The following MTUS2 variants were observed in gnomAD, a reference collection of about 807,000 sequenced individuals.
MTUS2 encodes microtubule-associated tumor suppressor candidate 2.
Under a neutral mutation model 114.1 loss-of-function variants are expected in MTUS2, and 40 were observed. The ratio of observed to expected loss-of-function variants is 0.35; its 90% confidence interval spans 0.27 to 0.46. The LOEUF is 0.46. MTUS2 is among the 20% of genes least tolerant of loss of function. The pLI, the probability that MTUS2 is intolerant of heterozygous loss-of-function variation, is 1.00. For missense variants in MTUS2, 1,679 were observed against 1,705.4 expected (o/e 0.98, Z 0.27); for synonymous variants, 688 against 672.0 (o/e 1.02, Z -0.37).
intron 8 of MTUS2, among the ~76,000 whole-genome samples, chr13:29,393,314 T>G (rs1360308943): frequency 7.4e-6 from 1 of 135,680 alleles, no homozygotes; most frequent in African/African-American, 2.6e-5. Flanking sequence ...CTGACAGTAA[T>G]TTCTGGAGTG....
At chr13:29,454,437 A>G (rs953869083) in intron 9 of MTUS2, among the ~76,000 whole-genome samples, 1 of 152,214 alleles carries the variant, frequency 6.6e-6, no homozygotes, top group Non-Finnish European at 1.5e-5. Context: ...ACTTTCAGGG[A>G]AATACTTTTA....
At chr13:28,841,835 T>C (rs1338838700) in intron 2 of MTUS2, among the ~76,000 whole-genome samples, 1 of 152,176 alleles carries the variant, frequency 6.6e-6, no homozygotes, top group South Asian at 2.1e-4. Context: ...TACAGATGCG[T>C]GCCACCACGC....
chr13:29,248,384 T>C (rs536078281), intron 5 of MTUS2, among the ~76,000 whole-genome samples: 48 of 152,252 alleles, frequency 3.2e-4, no homozygotes, highest in Non-Finnish European at 5.6e-4. Context: ...CAAAAACTTA[T>C]TGAAATATAA....
At chr13:29,134,002 G>GT (rs1229177612) in intron 5 of MTUS2, among the ~76,000 whole-genome samples, 66 of 152,198 alleles carry the variant, frequency 4.3e-4, no homozygotes, top group African/African-American at 1.4e-3. Context: ...GATCTTTCAT[G>GT]TTTTTTATTG....
intron 4 of MTUS2, among the ~76,000 whole-genome samples, chr13:29,097,798 A>AC (rs1421743198): frequency 6.6e-6 from 1 of 151,854 alleles, no homozygotes; most frequent in Non-Finnish European, 1.5e-5. Context: ...TAACCTAATT[A>AC]CCTCCTAAAG....
intron 6 of MTUS2, chr13:29,307,579 G>A: frequency 8.1e-7 from 1 of 1,235,106 alleles, no homozygotes; most frequent in South Asian, 1.2e-5. Context: ...GGTGTCAGAG[G>A]GCCCCCTCAA....
rs762807602 is a variant in MTUS2, at chr13:29,026,131, A to G, written c.1433A>G (p.Glu478Gly). The change falls in exon 3 of 16, where the codon GAG (glutamate) becomes GGG (glycine). Residue 478 changes from glutamate (E) to glycine (G), a missense_variant. Glu to Gly is a moderately conservative substitution (Grantham distance 98). Coordinates refer to ENST00000612955, the MANE Select transcript of MTUS2 (RefSeq NM_001033602.4). ...TTGGTGTTCAATCCTTCTGTTGGAG[A>G]GAACAAGACGGAGGTGCCTGAGCCC... Reference protein sequence around the residue: ...MVLVFNPSVGENKTEVPEPLD... With the variant: ...MVLVFNPSVGGNKTEVPEPLD... 2 of 1,614,020 alleles carry G rather than the reference A, an allele frequency of 1.2e-6. No individual in the cohort carries two copies. Among genetic ancestry groups the G allele is most frequent in the Non-Finnish European group, 1.7e-6 (2 of 1,179,892 alleles).
intron 2 of MTUS2, among the ~76,000 whole-genome samples, chr13:28,852,908 C>CATACATACATACATAT (rs1876379193): frequency 6.7e-6 from 1 of 148,692 alleles, no homozygotes; most frequent in South Asian, 2.1e-4. Context: ...TAAATACATA[C>CATACATACATACATAT]ATACATACAT....
intron 4 of MTUS2, among the ~76,000 whole-genome samples, chr13:29,055,295 C>T (rs945588380): frequency 1.9e-4 from 29 of 151,984 alleles, no homozygotes; most frequent in Admixed American, 4.6e-4. Flanking sequence ...CATCTTTATT[C>T]GTGGTAATAT....
At chr13:28,950,640 T>A (rs1378757277) in intron 2 of MTUS2, among the ~76,000 whole-genome samples, 1 of 152,218 alleles carries the variant, frequency 6.6e-6, no homozygotes, top group Non-Finnish European at 1.5e-5. Context: ...ATATGGAAAA[T>A]GACCAGTCAG....
At chr13:29,487,768 G>C in intron 10 of MTUS2, 132 bp from the exon 11 acceptor site, 1 of 735,530 alleles carries the variant, frequency 1.4e-6, no homozygotes, top group Non-Finnish European at 2.4e-6. Context: ...CCAAAGTCCA[G>C]CTCTCCTGCT....
chr13:28,831,476 A>G (rs915987729), intron 1 of MTUS2, among the ~76,000 whole-genome samples: 1 of 152,206 alleles, frequency 6.6e-6, no homozygotes. Context: ...ACATAGTAAT[A>G]AAAGGAGAGC....
Position 28,949,033 on chromosome 13 carries a change from A to G in MTUS2, c.-242-75424A>G, listed in dbSNP as rs577223383. Among the ~76,000 whole-genome samples, 313 of 152,370 alleles carry G rather than the reference A, an allele frequency of 2.1e-3. 1 individual carries two copies. The highest frequency in any genetic ancestry group is 6.2e-3 in the African/African-American group (257 of 41,586). On this transcript the variant is annotated intron_variant, in intron 2 of 15. Transcript: ENST00000612955. ...ATCCAGTGTATTTTATATGTAGTAT[A>G]TAAAAGGGAACATGTGTATGTAGGA... is the stretch of plus-strand genomic sequence containing the variant.
chr13:29,380,994 A>G (rs2138362651), intron 8 of MTUS2, among the ~76,000 whole-genome samples: 1 of 152,166 alleles, frequency 6.6e-6, no homozygotes, highest in Admixed American at 6.5e-5. Flanking sequence ...GGCAGCTGTG[A>G]CTGTCAGCTT....
At chr13:29,454,908 T>G (rs1324573567) in intron 9 of MTUS2, among the ~76,000 whole-genome samples, 1 of 152,210 alleles carries the variant, frequency 6.6e-6, no homozygotes, top group African/African-American at 2.4e-5. Context: ...ATAGCATAAC[T>G]GTTACTGGAT....
chr13:28,879,380 G>A (rs532041120), intron 2 of MTUS2, among the ~76,000 whole-genome samples: 1 of 152,286 alleles, frequency 6.6e-6, no homozygotes, highest in Non-Finnish European at 1.5e-5. Flanking sequence ...TATGAAACCA[G>A]TGGGAAGCAA....
chr13:29,286,660 G>GTCTATCTATCTATCTATCTA (rs1162402312), intron 6 of MTUS2, among the ~76,000 whole-genome samples: 3 of 90,034 alleles, frequency 3.3e-5, no homozygotes, highest in African/African-American at 1.6e-4. Flanking sequence ...CTGTCTGTCT[G>GTCTATCTATCTATCTATCTA]TCTGTCTGTC....
At chr13:29,074,435 G>T (rs557488762) in intron 4 of MTUS2, among the ~76,000 whole-genome samples, 3 of 152,080 alleles carry the variant, frequency 2.0e-5, no homozygotes, top group South Asian at 2.1e-4. Flanking sequence ...GCACATGTGT[G>T]TCTGATAGCA....
At chr13:28,833,922 A>C (rs917352672) in intron 1 of MTUS2, among the ~76,000 whole-genome samples, 2 of 152,164 alleles carry the variant, frequency 1.3e-5, no homozygotes, top group Non-Finnish European at 2.9e-5. Flanking sequence ...TTCCATTTGT[A>C]ATAGTATCAA....
Sources: gnomAD v4.1 joint callset for allele counts (sites outside exome capture counted in the v4.1 genomes callset) on GRCh38, gnomAD v4.1.1 for gene constraint, MANE v1.5 for transcripts, NCBI Gene and HGNC (gene_info 2026-07-23, HGNC 2026-07-21) for gene names.